GCH1: variants seen among roughly 807,000 people sequenced by gnomAD.
The protein encoded by GCH1 is GTP cyclohydrolase 1, also known as GTP cyclohydrolase I.
Under a neutral mutation model 25.9 loss-of-function variants are expected in GCH1, and 5 were observed. That is an observed-to-expected ratio of 0.19 (90% CI 0.10 to 0.41). The LOEUF (loss-of-function observed/expected upper bound fraction) is 0.41, where lower values mean the gene tolerates loss of function less well. Ranked by LOEUF, GCH1 falls within the 10% of genes least tolerant of loss-of-function variation. GCH1 has a pLI of 1.00. For synonymous variants in GCH1, 159 were observed against 129.6 expected (o/e 1.23, Z -1.54); for missense variants, 261 against 336.5 (o/e 0.78, Z 1.75).
chr14:54,893,983 G>A (rs2140116503), intron 1 of GCH1, among the ~76,000 whole-genome samples: 1 of 152,298 alleles, frequency 6.6e-6, no homozygotes, highest in East Asian at 1.9e-4. Context: ...CATGAAGGCA[G>A]GAACTATACC....
At chr14:54,857,704 C>T (rs187679450) in intron 3 of GCH1, among the ~76,000 whole-genome samples, 2 of 152,322 alleles carry the variant, frequency 1.3e-5, no homozygotes, top group Non-Finnish European at 1.5e-5. Flanking sequence ...TACTTTTACT[C>T]ACAGTTGACA....
At position 54,843,812 on chromosome 14, in the gene GCH1, A is replaced by G. The variant is rs778429702; in HGVS notation, c.*205T>C. 4 of 1,613,214 alleles carry G rather than the reference A, an allele frequency of 2.5e-6. 1 individual carries two copies. On this transcript the variant is annotated 3_prime_UTR_variant, in exon 6 of 6. Transcript: ENST00000491895. ...TAGCAGTTCACTTTAATATTGCCACAAAAAGGTGGCAAGAAGAAAGTAGAG... is the reference window on the plus strand; with the variant it reads ...TAGCAGTTCACTTTAATATTGCCACGAAAAGGTGGCAAGAAGAAAGTAGAG...
At chr14:54,850,079 AT>A (rs536750695) in intron 3 of GCH1, among the ~76,000 whole-genome samples, 86 of 151,320 alleles carry the variant, frequency 5.7e-4, no homozygotes, top group Non-Finnish European at 7.1e-4. Flanking sequence ...CATTCAAGCA[AT>A]TCTCTACCTC....
intron 3 of GCH1, among the ~76,000 whole-genome samples, chr14:54,848,585 C>A (rs2039679678): frequency 6.6e-6 from 1 of 152,030 alleles, no homozygotes; most frequent in Admixed American, 6.6e-5. Flanking sequence ...ATTTATGGTT[C>A]ACCTCCCTAT....
chr14:54,900,890 A>G (rs1170938720), intron 1 of GCH1, among the ~76,000 whole-genome samples: 1 of 120,058 alleles, frequency 8.3e-6, no homozygotes, highest in Non-Finnish European at 1.9e-5. Flanking sequence ...CACACACACA[A>G]ATTTAAAGCC....
chr14:54,895,166 C>A (rs559149600), intron 1 of GCH1, among the ~76,000 whole-genome samples: 4 of 152,130 alleles, frequency 2.6e-5, no homozygotes. Flanking sequence ...TATCTAATTG[C>A]CTCCCATTAT....
At chr14:54,897,819 G>T (rs2040509295) in intron 1 of GCH1, among the ~76,000 whole-genome samples, 1 of 152,176 alleles carries the variant, frequency 6.6e-6, no homozygotes, top group South Asian at 2.1e-4. Flanking sequence ...GATGAACCAA[G>T]ACCATCCAAC....
At chr14:54,896,417 T>C (rs1377472564) in intron 1 of GCH1, among the ~76,000 whole-genome samples, 1 of 152,046 alleles carries the variant, frequency 6.6e-6, no homozygotes, top group African/African-American at 2.4e-5. Flanking sequence ...TTCATTCCTT[T>C]AAGTTCAGCA....
chr14:54,870,086 C>T (rs532243339), intron 1 of GCH1, among the ~76,000 whole-genome samples: 1 of 152,214 alleles, frequency 6.6e-6, no homozygotes, highest in South Asian at 2.1e-4. Flanking sequence ...GAAATAGTTC[C>T]TATCTTCACT....
intron 3 of GCH1, among the ~76,000 whole-genome samples, chr14:54,855,083 C>T (rs922044142): frequency 6.6e-6 from 1 of 152,184 alleles, no homozygotes; most frequent in Admixed American, 6.5e-5. Context: ...GCAAACTGTA[C>T]TTATCTATAG....
intron 3 of GCH1, among the ~76,000 whole-genome samples, chr14:54,853,565 G>A (rs888161867): frequency 2.6e-5 from 4 of 152,030 alleles, no homozygotes; most frequent in East Asian, 1.9e-4. Flanking sequence ...TGCCAAGAGG[G>A]GCATTATTAA....
At position 54,902,487 on chromosome 14, in the gene GCH1, G is replaced by A. The variant is rs764067066; in HGVS notation, c.177C>T (p.Arg59=). The A allele has an allele frequency of 1.2e-6, 2 of 1,610,008 alleles. No homozygotes were observed. The highest frequency in any genetic ancestry group is 3.3e-5 in the Admixed American group (2 of 59,722). ...GGTTCAGCTCGTTATCCTCCTCGCT[G>A]CGGGGCCGCTCGCCCTTCCAGCCGT... ...PADGWKGERP[R]SEEDNELNLP... The change falls in exon 1 of 6, where the codon CGC becomes CGT. Residue 59 remains arginine (R), a synonymous_variant. Coordinates refer to ENST00000491895, the MANE Select transcript of GCH1 (RefSeq NM_000161.3).
At chr14:54,881,182 T>C (rs1014902556) in intron 1 of GCH1, among the ~76,000 whole-genome samples, 1 of 151,934 alleles carries the variant, frequency 6.6e-6, no homozygotes, top group African/African-American at 2.4e-5. Flanking sequence ...TTGTTTTTTC[T>C]ATAAAAATAA....
chr14:54,865,811 T>C (rs541404350), intron 1 of GCH1, among the ~76,000 whole-genome samples: 1 of 152,310 alleles, frequency 6.6e-6, no homozygotes, highest in Admixed American at 6.5e-5. Flanking sequence ...ATTTTGTCTA[T>C]AATCAATATG....
Position 54,843,480 on chromosome 14 carries a change from A to G in GCH1, c.*537T>C. On this transcript the variant is annotated 3_prime_UTR_variant, in exon 6 of 6. Transcript: ENST00000491895. ...CCACCACCTTCCCTTGGTGACTAACATTACGACTGCTAAAAATATATTTTT... is the reference window on the plus strand; with the variant it reads ...CCACCACCTTCCCTTGGTGACTAACGTTACGACTGCTAAAAATATATTTTT... The G allele has an allele frequency of 7.9e-7, 1 of 1,266,324 alleles. No homozygotes were observed. Among genetic ancestry groups the G allele is most frequent in the Non-Finnish European group, 9.9e-7 (1 of 1,005,574 alleles). The allele number at this position is 1,266,324 out of a possible 1,614,324, so 78.4% of individuals were successfully genotyped here. A position where few individuals can be genotyped will look rare whatever the true frequency, so the allele number is the denominator to read the frequency against.
At chr14:54,885,504 G>T in intron 1 of GCH1, 2 of 308,210 alleles carry the variant, frequency 6.5e-6, no homozygotes, top group South Asian at 6.2e-5. Flanking sequence ...CATCATTGAT[G>T]GCATCCAAAC....
chr14:54,862,379 C>CTTTT (rs892910613), intron 2 of GCH1, among the ~76,000 whole-genome samples: 7 of 57,396 alleles, frequency 1.2e-4, no homozygotes, highest in East Asian at 5.5e-4. Context: ...AAGCACTACT[C>CTTTT]TTTTTTTTTT....
intron 3 of GCH1, among the ~76,000 whole-genome samples, chr14:54,852,117 C>T (rs2039740299): frequency 6.6e-6 from 1 of 152,110 alleles, no homozygotes; most frequent in African/African-American, 2.4e-5. Context: ...TAAGTCCTTG[C>T]TCAAGGTCGA....
At position 54,902,439 on chromosome 14, in the gene GCH1, GT is replaced by G; in HGVS notation, c.224del (p.Tyr75SerfsTer5). The G allele has an allele frequency of 6.2e-7, 1 of 1,612,964 alleles. No individual in the cohort carries two copies. The highest frequency in any genetic ancestry group is 8.5e-7 in the Non-Finnish European group (1 of 1,179,792). On this transcript the variant is annotated frameshift_variant, in exon 1 of 6. Transcript: ENST00000491895. LOFTEE classifies it high-confidence loss of function. Reference sequence around the variant, plus strand: ...CGCCCAGCGAGCTCAGGATGGACGAGTAGGCGGCTGCCAGGTTAGGGAGGTT... The same window carrying G: ...CGCCCAGCGAGCTCAGGATGGACGAGAGGCGGCTGCCAGGTTAGGGAGGTT... ...ELNLPNLAAAYSSILSSLGEN... is the reference protein window; with the variant it reads ...ELNLPNLAAAXSSILSSLGEN...
Sources: gnomAD v4.1 joint callset for allele counts (sites outside exome capture counted in the v4.1 genomes callset) on GRCh38, gnomAD v4.1.1 for gene constraint, MANE v1.5 for transcripts, NCBI Gene and HGNC (gene_info 2026-07-23, HGNC 2026-07-21) for gene names.